DLGAP1: variants seen among roughly 807,000 people sequenced by gnomAD.
DLGAP1 encodes the protein DLG associated protein 1.
In DLGAP1, 11 loss-of-function variants were observed where a neutral mutation model predicts 90.8. The ratio of observed to expected loss-of-function variants is 0.12; its 90% CI spans 0.08 to 0.20. The LOEUF (loss-of-function observed/expected upper bound fraction) is 0.20, where lower values mean the gene tolerates loss of function less well. DLGAP1 is among the 10% of genes least tolerant of loss of function. The pLI, the probability that DLGAP1 is intolerant of heterozygous loss-of-function variation, is 1.00. For synonymous variants in DLGAP1, 558 were observed against 540.7 expected (o/e 1.03, Z -0.44); for missense variants, 1,050 against 1,333.8 (o/e 0.79, Z 3.31).
chr18:3,605,328 A>G (rs558020848), intron 7 of DLGAP1, among the ~76,000 whole-genome samples: 1 of 152,322 alleles, frequency 6.6e-6, no homozygotes, highest in East Asian at 1.9e-4. Flanking sequence ...CCTAGTTCTC[A>G]TGAGAACACA....
intron 1 of DLGAP1, among the ~76,000 whole-genome samples, chr18:4,176,137 C>T (rs1431637154): frequency 6.6e-6 from 1 of 152,034 alleles, no homozygotes; most frequent in Non-Finnish European, 1.5e-5. Flanking sequence ...TGGAGAGGTC[C>T]TTCACATCCC....
chr18:3,538,758 T>C (rs2052525079), intron 9 of DLGAP1, among the ~76,000 whole-genome samples: 1 of 152,224 alleles, frequency 6.6e-6, no homozygotes, highest in African/African-American at 2.4e-5. Context: ...TAGTCCCTCA[T>C]TGTTTTCAAT....
At chr18:4,328,776 C>T (rs996001092) in intron 1 of DLGAP1, among the ~76,000 whole-genome samples, 2 of 151,908 alleles carry the variant, frequency 1.3e-5, no homozygotes, top group African/African-American at 4.8e-5. Flanking sequence ...TTTCCATTTG[C>T]ATTTCTCTAA....
intron 5 of DLGAP1, among the ~76,000 whole-genome samples, chr18:3,795,660 T>A (rs981354011): frequency 2.6e-5 from 4 of 152,102 alleles, no homozygotes; most frequent in African/African-American, 9.7e-5. Context: ...TGTTTGTTTA[T>A]TTTTAGAGAT....
chr18:4,408,129 A>T (rs2144586601), intron 1 of DLGAP1, among the ~76,000 whole-genome samples: 1 of 152,238 alleles, frequency 6.6e-6, no homozygotes, highest in East Asian at 1.9e-4. Context: ...AGAACAGTCA[A>T]CTTTACAGAG....
intron 7 of DLGAP1, among the ~76,000 whole-genome samples, chr18:3,681,545 C>T (rs1257345138): frequency 5.3e-5 from 8 of 152,086 alleles, no homozygotes; most frequent in Admixed American, 1.3e-4. Flanking sequence ...TTACATAAAT[C>T]GATATTGCTG....
At chr18:3,908,659 A>G (rs1785896842) in intron 3 of DLGAP1, among the ~76,000 whole-genome samples, 1 of 152,172 alleles carries the variant, frequency 6.6e-6, no homozygotes, top group African/African-American at 2.4e-5. Flanking sequence ...AGTGAAATAA[A>G]CCATTTAGGC....
At chr18:4,428,251 C>T (rs1334537327) in intron 1 of DLGAP1, among the ~76,000 whole-genome samples, 1 of 152,094 alleles carries the variant, frequency 6.6e-6, no homozygotes, top group Non-Finnish European at 1.5e-5. Flanking sequence ...GTCTTGTCAT[C>T]AAGATAATGC....
intron 1 of DLGAP1, among the ~76,000 whole-genome samples, chr18:4,153,195 G>A (rs1464586659): frequency 6.6e-6 from 1 of 152,204 alleles, no homozygotes; most frequent in Non-Finnish European, 1.5e-5. Flanking sequence ...GCCAAATGCA[G>A]TTGATCATCA....
At chr18:3,504,940 C>G (rs2050135656) in intron 11 of DLGAP1, among the ~76,000 whole-genome samples, 2 of 152,116 alleles carry the variant, frequency 1.3e-5, no homozygotes, top group African/African-American at 4.8e-5. Flanking sequence ...CCAAGGGAGG[C>G]TGGGGTCCTT....
intron 3 of DLGAP1, among the ~76,000 whole-genome samples, chr18:3,953,844 C>G (rs1166803828): frequency 5.9e-5 from 9 of 152,154 alleles, no homozygotes; most frequent in African/African-American, 4.8e-5. Context: ...ATATTTCAAT[C>G]AGTCTGAAAC....
chr18:4,407,671 G>A (rs186939393), intron 1 of DLGAP1, among the ~76,000 whole-genome samples: 2 of 152,012 alleles, frequency 1.3e-5, no homozygotes, highest in African/African-American at 4.8e-5. Context: ...TTCAGGTCAG[G>A]AGTTCAAGAC....
At chr18:3,721,536 A>AGAT (rs1371119958) in intron 7 of DLGAP1, 1 of 152,198 alleles carries the variant, frequency 6.6e-6, no homozygotes, top group Non-Finnish European at 1.5e-5. Flanking sequence ...TTCTTTAAAC[A>AGAT]GATATTTCAC....
At chr18:3,600,827 GATATAT>G (rs374064476) in intron 7 of DLGAP1, among the ~76,000 whole-genome samples, 11 of 12,206 alleles carry the variant, frequency 9.0e-4, no homozygotes, top group African/African-American at 3.1e-3. Flanking sequence ...TAGATATATA[GATATAT>G]ATAGATATAT....
intron 3 of DLGAP1, among the ~76,000 whole-genome samples, chr18:3,991,129 T>A (rs1020380639): frequency 4.1e-4 from 63 of 152,080 alleles, no homozygotes; most frequent in African/African-American, 1.4e-3. Context: ...ATTTTTCAAA[T>A]TTTTTTAAAA....
intron 1 of DLGAP1, among the ~76,000 whole-genome samples, chr18:4,416,078 C>T (rs922316761): frequency 2.6e-5 from 4 of 151,720 alleles, no homozygotes; most frequent in Non-Finnish European, 5.9e-5. Context: ...AGTATCTTGG[C>T]AAGCATTCTG....
At chr18:4,046,922 T>G (rs1223635178) in intron 2 of DLGAP1, among the ~76,000 whole-genome samples, 1 of 152,210 alleles carries the variant, frequency 6.6e-6, no homozygotes, top group African/African-American at 2.4e-5. Context: ...CTGCAGGAGA[T>G]GTGACAATTT....
At chr18:3,645,826 T>A (rs745968646) in intron 7 of DLGAP1, among the ~76,000 whole-genome samples, 2 of 152,158 alleles carry the variant, frequency 1.3e-5, no homozygotes, top group Non-Finnish European at 2.9e-5. Context: ...GGGCATGAAA[T>A]AGTAGTAAGG....
chr18:3,616,818 G>A (rs1193318005), intron 7 of DLGAP1, among the ~76,000 whole-genome samples: 1 of 152,028 alleles, frequency 6.6e-6, no homozygotes, highest in Non-Finnish European at 1.5e-5. Flanking sequence ...CCTTTTCCTT[G>A]AATCCGAGAG....
Sources: allele counts gnomAD v4.1 joint callset (sites outside exome capture counted in the v4.1 genomes callset), GRCh38; gene constraint gnomAD v4.1.1; transcripts MANE v1.5; gene names NCBI Gene and HGNC (gene_info 2026-07-23, HGNC 2026-07-21).